Variants in KCNQ5 observed in about 807,000 individuals in gnomAD.
KCNQ5 encodes potassium voltage-gated channel subfamily KQT member 5.
Under a neutral mutation model 98.2 loss-of-function variants are expected in KCNQ5, and 30 were observed. The observed-to-expected ratio is 0.31, with a 90% CI of 0.23 to 0.41. The LOEUF (loss-of-function observed/expected upper bound fraction) is 0.41, where lower values mean the gene tolerates loss of function less well. Among genes scored for constraint, KCNQ5 ranks in the 10% least tolerant of loss-of-function variants. The pLI is 1.00. For missense variants in KCNQ5, 835 were observed against 1,182.5 expected, an observed-to-expected ratio of 0.71 and a Z score of 4.31; for synonymous variants, 458 against 449.4, an observed-to-expected ratio of 1.02 and a Z score of -0.24.
At chr6:72,996,935 T>C (rs902434742) in intron 1 of KCNQ5, among the ~76,000 whole-genome samples, 2 of 152,054 alleles carry the variant, frequency 1.3e-5, no homozygotes, top group Non-Finnish European at 1.5e-5. Context: ...AAAACCAACC[T>C]CAAACATCTG....
In KCNQ5 at chr6:73,110,992, C is replaced by A. The variant is rs549290819; in HGVS notation, c.1030-316C>A. Among the ~76,000 whole-genome samples the A allele has an allele frequency of 2.9e-3, 435 of 151,394 alleles. 2 individuals are homozygous for A. Among genetic ancestry groups the A allele is most frequent in the African/African-American group, 8.5e-3 (348 of 41,002 alleles). On this transcript the variant is annotated intron_variant, in intron 6 of 13. Transcript: ENST00000370398. ...AATGTCACAGAGAAGGCCACACACA[C>A]ACAAAAAAATTTTATTGTGATTTTA...
rs1167359702 is a variant in KCNQ5 at position 73,006,059 on chromosome 6, A to C, written c.489+2061A>C. Among the ~76,000 whole-genome samples the C allele has an allele frequency of 2.0e-5, 3 of 152,208 alleles. No homozygotes were observed. In the East Asian group the frequency reaches 5.8e-4, roughly 29 times the overall value. On this transcript the variant is annotated intron_variant, in intron 2 of 13. Coordinates refer to ENST00000370398, the MANE Select transcript of KCNQ5 (RefSeq NM_019842.4). Reference sequence around the variant, plus strand: ...GCAATGAATAAATTAGGAAAGCATTAATATTTTAATTATTTTTCACAATGA... The same window carrying C: ...GCAATGAATAAATTAGGAAAGCATTCATATTTTAATTATTTTTCACAATGA...
chr6:73,138,194 C>T (rs938614285), intron 10 of KCNQ5, among the ~76,000 whole-genome samples: 7 of 152,130 alleles, frequency 4.6e-5, no homozygotes, highest in African/African-American at 1.7e-4. Flanking sequence ...CATCTGAGGC[C>T]TGTTTCAAGA....
intron 1 of KCNQ5, among the ~76,000 whole-genome samples, chr6:72,931,474 G>A (rs1765691383): frequency 6.6e-6 from 1 of 152,034 alleles, no homozygotes; most frequent in Non-Finnish European, 1.5e-5. Flanking sequence ...AATATAAAGA[G>A]GTCTTTTAAA....
At chr6:72,843,421 C>T (rs1405907083) in intron 1 of KCNQ5, among the ~76,000 whole-genome samples, 1 of 152,126 alleles carries the variant, frequency 6.6e-6, no homozygotes, top group African/African-American at 2.4e-5. Context: ...TAGCATGATG[C>T]CTCCAGCTTT....
chr6:73,095,681 T>C (rs376196954), intron 5 of KCNQ5, among the ~76,000 whole-genome samples: 39 of 152,244 alleles, frequency 2.6e-4, no homozygotes, highest in African/African-American at 8.9e-4. Flanking sequence ...GCTGTAGTGA[T>C]TGTTATCTAT....
chr6:72,723,140 G>T (rs1770063925), intron 1 of KCNQ5, among the ~76,000 whole-genome samples: 1 of 152,120 alleles, frequency 6.6e-6, no homozygotes, highest in African/African-American at 2.4e-5. Flanking sequence ...ACAGGCATGA[G>T]CCACCACGCC....
In KCNQ5 at chr6:72,965,136, T is replaced by C. The variant is rs758876929; in HGVS notation, c.399-38772T>C. 3.9e-5 allele frequency among the ~76,000 whole-genome samples: 6 copies of C among 152,138 alleles called. No individual in the cohort carries two copies. The South Asian group carries it at 6.2e-4, about 16-fold the overall frequency. The stretch of plus-strand genomic sequence containing the variant: ...TTGTTGATAATTTCACCACTTAAAA[T>C]TGGCCCCAAGAGTAGTGCTGAAGTG... On this transcript the variant is annotated intron_variant, in intron 1 of 13. Transcript: ENST00000370398.
intron 11 of KCNQ5, among the ~76,000 whole-genome samples, chr6:73,179,612 A>G (rs1212545259): frequency 6.6e-6 from 1 of 152,218 alleles, no homozygotes; most frequent in East Asian, 1.9e-4. Context: ...ACCAACATAA[A>G]GTGAGGGGTT....
At chr6:73,025,602 G>C (rs1231752258) in intron 2 of KCNQ5, among the ~76,000 whole-genome samples, 1 of 120,446 alleles carries the variant, frequency 8.3e-6, no homozygotes, top group African/African-American at 3.3e-5. Context: ...CAGCCTGGGC[G>C]ACAAGAGCAA....
intron 2 of KCNQ5, among the ~76,000 whole-genome samples, chr6:73,010,023 A>G (rs568018818): frequency 6.6e-6 from 1 of 152,302 alleles, no homozygotes; most frequent in South Asian, 2.1e-4. Flanking sequence ...AACTAATTCT[A>G]TGAGGCATTA....
At position 73,197,899 on chromosome 6, in the gene KCNQ5, C is replaced by G. The variant is rs1765856012; in HGVS notation, c.*2485C>G. The G allele has an allele frequency of 6.6e-6, 1 of 152,260 alleles. No individual in the cohort carries two copies. Among genetic ancestry groups the G allele is most frequent in the Non-Finnish European group, 1.5e-5 (1 of 68,082 alleles). The allele number at this position is 152,260 out of a possible 1,614,324, so 9.4% of individuals were successfully genotyped here. The stretch of plus-strand genomic sequence containing the variant: ...AAGATTCAGAAACAAAACCTACACA[C>G]AGCACTGAGGTCTTAATCATAGCAA... On this transcript the variant is annotated 3_prime_UTR_variant, in exon 14 of 14. Transcript: ENST00000370398.
chr6:73,161,572 C>T (rs538020899), intron 10 of KCNQ5, among the ~76,000 whole-genome samples: 1 of 152,240 alleles, frequency 6.6e-6, no homozygotes, highest in South Asian at 2.1e-4. Flanking sequence ...AATAAATTAT[C>T]ACATGTACTC....
chr6:72,876,518 T>A (rs1173016051), intron 1 of KCNQ5, among the ~76,000 whole-genome samples: 1 of 152,202 alleles, frequency 6.6e-6, no homozygotes, highest in African/African-American at 2.4e-5. Context: ...GCCTTGAGCA[T>A]CTAAATATTG....
intron 1 of KCNQ5, among the ~76,000 whole-genome samples, chr6:72,785,012 A>T (rs145332343): frequency 6.6e-6 from 1 of 152,226 alleles, no homozygotes; most frequent in Admixed American, 6.5e-5. Flanking sequence ...ATGATCAAAG[A>T]TTATGCAGCC....
intron 11 of KCNQ5, among the ~76,000 whole-genome samples, chr6:73,172,858 T>A (rs993659542): frequency 6.6e-6 from 1 of 152,226 alleles, no homozygotes; most frequent in Non-Finnish European, 1.5e-5. Context: ...CAAATTAAAA[T>A]GTGTAACAAA....
chr6:72,776,632 G>A (rs1368027666), intron 1 of KCNQ5, among the ~76,000 whole-genome samples: 1 of 152,180 alleles, frequency 6.6e-6, no homozygotes, highest in Non-Finnish European at 1.5e-5. Context: ...AAATAACTGA[G>A]TGCCAGAGAA....
intron 1 of KCNQ5, among the ~76,000 whole-genome samples, chr6:72,962,182 A>T (rs376351650): frequency 1.5e-5 from 2 of 129,284 alleles, no homozygotes; most frequent in African/African-American, 5.7e-5. Flanking sequence ...TGTTTCTCTA[A>T]ATATATATAT....
chr6:72,844,346 T>C (rs1337959146), intron 1 of KCNQ5, among the ~76,000 whole-genome samples: 1 of 152,180 alleles, frequency 6.6e-6, no homozygotes, highest in African/African-American at 2.4e-5. Context: ...TATTTACTTT[T>C]CTTTGTTTTT....
Sources: allele counts gnomAD v4.1 joint callset (sites outside exome capture counted in the v4.1 genomes callset), GRCh38; gene constraint gnomAD v4.1.1; transcripts MANE v1.5; gene names NCBI Gene and HGNC (gene_info 2026-07-23, HGNC 2026-07-21).